Variants in ILDR2 observed in about 807,000 individuals in gnomAD.
ILDR2 encodes the protein immunoglobulin-like domain-containing receptor 2.
In ILDR2, 25 loss-of-function variants were observed where a neutral mutation model predicts 66.8. The observed-to-expected ratio is 0.37, with a 90% CI of 0.27 to 0.52. The LOEUF is 0.52. ILDR2 is among the 20% of genes least tolerant of loss of function. The probability of loss-of-function intolerance (pLI) is 0.88; values close to 1 mark genes in which losing one functional copy is unlikely to be tolerated. For missense variants in ILDR2, 827 were observed against 876.8 expected (o/e 0.94, Z 0.72); for synonymous variants, 367 against 357.2 (o/e 1.03, Z -0.31).
intron 1 of ILDR2, among the ~76,000 whole-genome samples, chr1:166,973,542 A>G (rs1325166384): frequency 6.8e-6 from 1 of 146,484 alleles, no homozygotes; most frequent in Admixed American, 6.9e-5. Flanking sequence ...ACTCCCTGCA[A>G]ACCCCCAGAG....
Position 166,922,777 on chromosome 1 carries a change from G to C in ILDR2, c.1027C>G (p.His343Asp). The C allele has an allele frequency of 6.2e-6, 10 of 1,614,204 alleles. No homozygotes were observed. Among genetic ancestry groups the C allele is most frequent in the Non-Finnish European group, 7.6e-6 (9 of 1,180,030 alleles). Reference protein sequence around the residue: ...NNTISELSSLHEEDSNFRQSF... With the variant: ...NNTISELSSLDEEDSNFRQSF... ...TGGCGGAAATTGCTGTCCTCCTCATGTAGGGAGCTGAGTTCTGAGATGGTG... is the reference window on the plus strand; with the variant it reads ...TGGCGGAAATTGCTGTCCTCCTCATCTAGGGAGCTGAGTTCTGAGATGGTG... Residue 343 changes from histidine to aspartate, a missense_variant, in exon 8 of 10, where the codon CAT becomes GAT. This residue lies in a region of ILDR2 where 437 missense variants were observed against 523.2 expected (regional missense o/e 0.84). Transcript: ENST00000271417.
At chr1:166,942,851 G>A (rs1280429049) in intron 3 of ILDR2, among the ~76,000 whole-genome samples, 1 of 152,182 alleles carries the variant, frequency 6.6e-6, no homozygotes, top group East Asian at 1.9e-4. Context: ...AACAATGAAG[G>A]AACTTGCATT....
intron 2 of ILDR2, among the ~76,000 whole-genome samples, chr1:166,901,849 G>T (rs550818360): frequency 3.9e-5 from 6 of 152,180 alleles, no homozygotes; most frequent in Admixed American, 6.5e-5. Context: ...CAGTTTTGTC[G>T]TATGGGTCCC....
intron 2 of ILDR2, among the ~76,000 whole-genome samples, chr1:166,896,994 T>C (rs1419047970): frequency 6.6e-6 from 1 of 152,216 alleles, no homozygotes; most frequent in Admixed American, 6.5e-5. Context: ...ATATGCAGCT[T>C]ACATTATGTT....
chr1:166,944,829 C>T (rs140942521), intron 3 of ILDR2, among the ~76,000 whole-genome samples: 29 of 152,258 alleles, frequency 1.9e-4, no homozygotes, highest in Non-Finnish European at 3.2e-4. Flanking sequence ...CTGCACATGC[C>T]TTCACTAAAG....
At chr1:166,941,686 A>G (rs1009496969) in intron 3 of ILDR2, among the ~76,000 whole-genome samples, 51 of 152,302 alleles carry the variant, frequency 3.3e-4, no homozygotes, top group African/African-American at 1.2e-3. Context: ...TTCAATCTGC[A>G]TAATTAGCAC....
intron 8 of ILDR2, 126 bp downstream of exon 8, chr1:166,922,467 G>A: frequency 1.4e-6 from 1 of 724,600 alleles, no homozygotes; most frequent in Non-Finnish European, 2.4e-6. Context: ...AAAGAGAGAT[G>A]TGTCAGGATA....
rs755838626 is a variant in ILDR2, at chr1:166,957,965, G to A, written c.183C>T (p.Tyr61=). 4 of 1,614,072 alleles carry A rather than the reference G, an allele frequency of 2.5e-6. No individual in the cohort carries two copies. The African/African-American group carries it at 4.0e-5, about 16-fold the overall frequency. The part of the protein sequence containing the change: ...PAVVQWKFKS[Y]CQDRMGESLG... ...AGGATTCTCCCATGCGATCCTGGCA[G>A]TAGGACTTGAACTTCCACTGCACAA... The change falls in exon 2 of 10, where the codon TAC becomes TAT. Residue 61 remains tyrosine (Y), a synonymous_variant. Transcript: ENST00000271417.
chr1:166,915,955 CACG>C lies in ILDR2; in HGVS notation c.*3397_*3399del, dbSNP rs1659627810. 1 of 152,320 alleles carries C rather than the reference CACG, an allele frequency of 6.6e-6. No homozygotes were observed. Among genetic ancestry groups the C allele is most frequent in the Non-Finnish European group, 1.5e-5 (1 of 68,118 alleles). The allele number at this position is 152,320 out of a possible 1,614,324, so 9.4% of individuals were successfully genotyped here. A position where few individuals can be genotyped will look rare whatever the true frequency, so the allele number is the denominator to read the frequency against. ...CGCAGAACTGAGCCCCAGGAGCAGC[CACG>C]CTGAGCTCCCCTGTGAACGTGCTTG... On this transcript the variant is annotated 3_prime_UTR_variant, in exon 10 of 10. Coordinates refer to ENST00000271417, the MANE Select transcript of ILDR2 (RefSeq NM_199351.3).
chr1:166,957,438 A>T (rs1487920653), intron 2 of ILDR2, among the ~76,000 whole-genome samples: 2 of 152,184 alleles, frequency 1.3e-5, no homozygotes. Flanking sequence ...GTCAAGGTAT[A>T]GGATGTTTGG....
In ILDR2 at chr1:166,914,031, C is replaced by G. The variant is rs766590391; in HGVS notation, c.*5324G>C. The G allele has an allele frequency of 4.6e-5, 7 of 151,290 alleles. No homozygotes were observed. The highest frequency in any genetic ancestry group is 7.4e-5 in the Non-Finnish European group (5 of 68,018). 9.4% of individuals were successfully genotyped at this position (151,290 alleles called of 1,614,324 possible). The stretch of plus-strand genomic sequence containing the variant: ...TTGGGAGGCTGAGGGAGGAGGATTG[C>G]TTGAGCTAGGAGTTTGAGACTGCAG... On this transcript the variant is annotated 3_prime_UTR_variant, in exon 10 of 10. Coordinates refer to ENST00000271417, the MANE Select transcript of ILDR2 (RefSeq NM_199351.3).
chr1:166,961,333 G>T (rs999799793), intron 1 of ILDR2, among the ~76,000 whole-genome samples: 6 of 152,082 alleles, frequency 3.9e-5, no homozygotes, highest in Non-Finnish European at 7.4e-5. Context: ...CTGTTAATGA[G>T]ATTAGCCACT....
chr1:166,907,645 T>C (rs1659372427), downstream of ILDR2, among the ~76,000 whole-genome samples: 1 of 152,220 alleles, frequency 6.6e-6, no homozygotes, highest in African/African-American at 2.4e-5. Context: ...GGGTAATCAA[T>C]AATCAGAGGA....
chr1:166,895,942 GCATACTCCAT>G (rs1403463160), exon 3 of ILDR2: 1 of 152,172 alleles, frequency 6.6e-6, no homozygotes, highest in Non-Finnish European at 1.5e-5. Context: ...TCATAGATAA[GCATACTCCAT>G]TCTTCTCGAT....
intron 2 of ILDR2, among the ~76,000 whole-genome samples, chr1:166,957,183 C>T (rs1026644722): frequency 6.6e-6 from 1 of 152,186 alleles, no homozygotes; most frequent in Non-Finnish European, 1.5e-5. Context: ...TTATTCTGAA[C>T]TCATGGAAAT....
At chr1:166,943,518 G>GCT (rs1304125328) in intron 3 of ILDR2, among the ~76,000 whole-genome samples, 1 of 136,786 alleles carries the variant, frequency 7.3e-6, no homozygotes, top group African/African-American at 2.7e-5. Flanking sequence ...AAAAAAAAAG[G>GCT]CTCTATAGCT....
At chr1:166,899,296 G>A (rs1214187269) in intron 2 of ILDR2, among the ~76,000 whole-genome samples, 1 of 151,346 alleles carries the variant, frequency 6.6e-6, no homozygotes, top group Non-Finnish European at 1.5e-5. Context: ...GGGAGGCTGA[G>A]ACAGGAGACT....
At chr1:166,959,634 G>A (rs1488757760) in intron 1 of ILDR2, among the ~76,000 whole-genome samples, 1 of 152,198 alleles carries the variant, frequency 6.6e-6, no homozygotes, top group Non-Finnish European at 1.5e-5. Context: ...CCAACCTGAT[G>A]CTTGGTGACC....
intron 1 of ILDR2, among the ~76,000 whole-genome samples, chr1:166,968,819 T>TA (rs1663112307): frequency 6.6e-6 from 1 of 152,096 alleles, no homozygotes. Context: ...TCCTGGGTCT[T>TA]AGAGTAAGAA....
Sources: gnomAD v4.1 joint callset for allele counts (sites outside exome capture counted in the v4.1 genomes callset) on GRCh38, gnomAD v4.1.1 for gene constraint, gnomAD v4.1.1 regional missense constraint, MANE v1.5 for transcripts, NCBI Gene and HGNC (gene_info 2026-07-23, HGNC 2026-07-21) for gene names.